Variants in FKBP1A observed in about 807,000 individuals in gnomAD.
The protein encoded by FKBP1A is FKBP prolyl isomerase 1A.
Under a neutral mutation model 14.2 loss-of-function variants are expected in FKBP1A, and 5 were observed. The ratio of observed to expected loss-of-function variants is 0.35; its 90% CI spans 0.18 to 0.74. FKBP1A has a LOEUF of 0.74. FKBP1A is among the 30% of genes least tolerant of loss of function. FKBP1A has a pLI of 0.56. For missense variants in FKBP1A, 53 were observed against 138.8 expected (o/e 0.38, Z 3.10); for synonymous variants, 42 against 49.1 (o/e 0.86, Z 0.60).
intron 3 of FKBP1A, among the ~76,000 whole-genome samples, chr20:1,372,468 C>T (rs1168339783): frequency 1.3e-5 from 2 of 152,176 alleles, no homozygotes; most frequent in Non-Finnish European, 2.9e-5. Context: ...AGTTCAAAAC[C>T]CCTCCTGACT....
At chr20:1,370,801 C>T (rs560971035) in intron 4 of FKBP1A, 57 of 985,320 alleles carry the variant, frequency 5.8e-5, no homozygotes, top group South Asian at 1.9e-4. Context: ...AAGGCTCCCT[C>T]GAGTACAGTT....
intron 2 of FKBP1A, among the ~76,000 whole-genome samples, chr20:1,392,164 T>G (rs978263776): frequency 6.6e-6 from 1 of 152,218 alleles, no homozygotes; most frequent in Non-Finnish European, 1.5e-5. Context: ...CAGCTTTCGG[T>G]CAGCCTGAGC....
rs542411177 is a variant in FKBP1A at position 1,375,729 on chromosome 20, G to T, written c.86-126C>A. On this transcript the variant is annotated intron_variant, in intron 2 of 4. Transcript: ENST00000400137. ...TCTGGCAGGAACTGCAGTATCTAGG[G>T]AGGGTTTCCTGTGACCTCACTGGAC... The T allele has an allele frequency of 6.2e-4, 449 of 722,514 alleles. 1 individual carries two copies. The highest frequency in any genetic ancestry group is 2.3e-3 in the Middle Eastern group (10 of 4,256). The allele number at this position is 722,514 out of a possible 1,614,324, so 44.8% of individuals were successfully genotyped here.
At chr20:1,390,607 G>A (rs2089723965) in intron 2 of FKBP1A, among the ~76,000 whole-genome samples, 1 of 152,102 alleles carries the variant, frequency 6.6e-6, no homozygotes, top group Non-Finnish European at 1.5e-5. Flanking sequence ...TCCACCTTCT[G>A]ATCATGTTCC....
chr20:1,388,549 T>C (rs1360452284), intron 2 of FKBP1A, among the ~76,000 whole-genome samples: 2 of 152,216 alleles, frequency 1.3e-5, no homozygotes, highest in Non-Finnish European at 1.5e-5. Flanking sequence ...CAAGCTCTCA[T>C]AGCCCGTTGT....
chr20:1,388,434 T>C (rs950768061), intron 2 of FKBP1A, among the ~76,000 whole-genome samples: 1 of 152,220 alleles, frequency 6.6e-6, no homozygotes, highest in Admixed American at 6.5e-5. Context: ...AGCAACACTT[T>C]GGAGACAACT....
intron 2 of FKBP1A, among the ~76,000 whole-genome samples, chr20:1,391,075 C>T (rs1207421744): frequency 6.6e-6 from 1 of 152,182 alleles, no homozygotes; most frequent in Non-Finnish European, 1.5e-5. Context: ...GCGGCACTGC[C>T]TACATGCTGG....
At chr20:1,388,487 C>T (rs142730096) in intron 2 of FKBP1A, among the ~76,000 whole-genome samples, 2 of 152,332 alleles carry the variant, frequency 1.3e-5, no homozygotes, top group African/African-American at 4.8e-5. Flanking sequence ...GGCATCGTTA[C>T]TCCCATTTTA....
chr20:1,389,490 G>T (rs1182111824), intron 2 of FKBP1A, among the ~76,000 whole-genome samples: 1 of 152,128 alleles, frequency 6.6e-6, no homozygotes, highest in African/African-American at 2.4e-5. Context: ...AAAAGCAAGG[G>T]GCTTGAGGGA....
chr20:1,374,037 G>A (rs1181763447), intron 3 of FKBP1A, among the ~76,000 whole-genome samples: 1 of 152,236 alleles, frequency 6.6e-6, no homozygotes, highest in Non-Finnish European at 1.5e-5. Context: ...TATAGAGGAA[G>A]TAGAGCAATG....
chr20:1,372,977 C>CT (rs1568585549), intron 3 of FKBP1A: 1 of 152,224 alleles, frequency 6.6e-6, no homozygotes, highest in Non-Finnish European at 1.5e-5. Flanking sequence ...AAAATATCTA[C>CT]TTTCTGAACA....
rs1458665475 is a variant in FKBP1A at position 1,392,897 on chromosome 20, C to G, written c.38-16G>C. ...AAGGTGCGCCCTGAGGAGACAGAGA[C>G]GGGCATGCTGAGCCGATGCGCGCGG... On this transcript the variant is annotated splice_polypyrimidine_tract_variant and intron_variant, in intron 1 of 4. Transcript: ENST00000400137. 1 of 1,337,502 alleles carries G rather than the reference C, an allele frequency of 7.5e-7. No individual in the cohort carries two copies. Among genetic ancestry groups the G allele is most frequent in the African/African-American group, 1.5e-5 (1 of 64,652 alleles). The allele number at this position is 1,337,502 out of a possible 1,614,324, so 82.9% of individuals were successfully genotyped here. A position where few individuals can be genotyped will look rare whatever the true frequency, so the allele number is the denominator to read the frequency against.
intron 2 of FKBP1A, among the ~76,000 whole-genome samples, chr20:1,385,831 C>G (rs918928099): frequency 1.3e-5 from 2 of 152,234 alleles, no homozygotes; most frequent in African/African-American, 4.8e-5. Flanking sequence ...CTAAAATGAT[C>G]TTGCTCAAAC....
rs1051380853 is a variant in FKBP1A, at chr20:1,379,492, C to T, written c.86-3889G>A. 1.9e-4 allele frequency among the ~76,000 whole-genome samples: 29 copies of T among 152,268 alleles called. No individual in the cohort carries two copies. Among genetic ancestry groups the T allele is most frequent in the African/African-American group, 6.5e-4 (27 of 41,556 alleles). ...CAAACCTCTCCCTAGTATCTTAAAA[C>T]CATAAAAGCCAGGAAGCAGGATTTC... On this transcript the variant is annotated intron_variant, in intron 2 of 4. Transcript: ENST00000400137. This position sits in a 1 kb window ranked among gnomAD's most constrained non-coding sequence, Gnocchi z 4.3.
At chr20:1,371,064 C>T (rs746257682) in intron 4 of FKBP1A, 4 of 985,432 alleles carry the variant, frequency 4.1e-6, no homozygotes, top group Non-Finnish European at 4.8e-6. Flanking sequence ...CTCTGACTGC[C>T]ATCACAAATA....
intron 2 of FKBP1A, among the ~76,000 whole-genome samples, chr20:1,392,427 T>C (rs986132847): frequency 6.6e-6 from 1 of 152,090 alleles, no homozygotes; most frequent in African/African-American, 2.4e-5. Flanking sequence ...GGCACAGAAA[T>C]GGTACAAATC....
At chr20:1,387,774 C>T (rs919200013) in intron 2 of FKBP1A, among the ~76,000 whole-genome samples, 2 of 151,840 alleles carry the variant, frequency 1.3e-5, no homozygotes, top group African/African-American at 2.4e-5. Flanking sequence ...TCTGGGAGGT[C>T]GAGGCTACAG....
At position 1,379,361 on chromosome 20, in the gene FKBP1A, C is replaced by T; in HGVS notation, c.86-3758G>A. 6.6e-6 allele frequency among the ~76,000 whole-genome samples: 1 copy of T among 152,208 alleles called. No individual in the cohort carries two copies. Among genetic ancestry groups the T allele is most frequent in the Non-Finnish European group, 1.5e-5 (1 of 68,028 alleles). ...AGGACACAGCCTGAATCTGCTGCTGCTGCTGCTGCTGAGCCAGCATGGAGA... is the reference window on the plus strand; with the variant it reads ...AGGACACAGCCTGAATCTGCTGCTGTTGCTGCTGCTGAGCCAGCATGGAGA... On this transcript the variant is annotated intron_variant, in intron 2 of 4. Coordinates refer to ENST00000400137, the MANE Select transcript of FKBP1A (RefSeq NM_000801.5). The surrounding 1 kb of genome is among the most constrained non-coding windows in gnomAD (Gnocchi z 4.3).
intron 2 of FKBP1A, among the ~76,000 whole-genome samples, chr20:1,383,919 C>T (rs2089644298): frequency 6.6e-6 from 1 of 151,876 alleles, no homozygotes; most frequent in Non-Finnish European, 1.5e-5. Flanking sequence ...GCATTTGAAG[C>T]CACTCAGAAC....
Sources: allele counts gnomAD v4.1 joint callset (sites outside exome capture counted in the v4.1 genomes callset), GRCh38; gene constraint gnomAD v4.1.1; non-coding constraint Gnocchi (gnomAD v3.1); transcripts MANE v1.5; gene names NCBI Gene and HGNC (gene_info 2026-07-23, HGNC 2026-07-21).